MARCHF7: variants seen among roughly 807,000 people sequenced by gnomAD.
MARCHF7 encodes the protein E3 ubiquitin-protein ligase MARCHF7.
A neutral mutation model predicts 76.5 loss-of-function variants in MARCHF7; 20 were observed. The observed-to-expected ratio is 0.26, with a 90% CI of 0.18 to 0.38. MARCHF7 has a LOEUF of 0.38. MARCHF7 is among the 10% of genes least tolerant of loss of function. The pLI, the probability that MARCHF7 is intolerant of heterozygous loss-of-function variation, is 1.00. For synonymous variants in MARCHF7, 295 were observed against 293.0 expected (o/e 1.01, Z -0.07); for missense variants, 797 against 812.9 (o/e 0.98, Z 0.24).
At chr2:159,715,510 C>T (rs1700936346) in intron 2 of MARCHF7, among the ~76,000 whole-genome samples, 171 bp from the exon 3 acceptor site, 1 of 151,960 alleles carries the variant, frequency 6.6e-6, no homozygotes, top group Non-Finnish European at 1.5e-5. Context: ...CCATGTCTGA[C>T]TAATTTTTAT....
intron 4 of MARCHF7, among the ~76,000 whole-genome samples, chr2:159,742,038 CTG>C (rs1299664354): frequency 6.6e-6 from 1 of 152,106 alleles, no homozygotes; most frequent in Non-Finnish European, 1.5e-5. Flanking sequence ...AGGAGACAAA[CTG>C]TTGCCTTTTT....
At chr2:159,727,904 G>A (rs1008973190) in intron 3 of MARCHF7, among the ~76,000 whole-genome samples, 2 of 152,174 alleles carry the variant, frequency 1.3e-5, no homozygotes, top group African/African-American at 4.8e-5. Flanking sequence ...AATGTTTAGT[G>A]AGGAAAACTT....
chr2:159,746,530 T>C (rs553548764), intron 6 of MARCHF7, among the ~76,000 whole-genome samples: 9 of 152,382 alleles, frequency 5.9e-5, no homozygotes, highest in African/African-American at 2.2e-4. Flanking sequence ...GCCTCTCAAG[T>C]AGCTGGGGTT....
chr2:159,761,304 G>A (rs540343111), intron 9 of MARCHF7, among the ~76,000 whole-genome samples: 58 of 151,520 alleles, frequency 3.8e-4, no homozygotes, highest in Non-Finnish European at 5.9e-4. Context: ...GATTACAGGC[G>A]TGAGCCACCG....
chr2:159,731,406 A>G (rs144759504), intron 4 of MARCHF7, among the ~76,000 whole-genome samples: 131 of 152,308 alleles, frequency 8.6e-4, no homozygotes, highest in African/African-American at 2.9e-3. Flanking sequence ...TCCTTAAGAT[A>G]TGACCGTTTT....
At chr2:159,729,875 T>G (rs1346174627) in intron 4 of MARCHF7, among the ~76,000 whole-genome samples, 1 of 152,216 alleles carries the variant, frequency 6.6e-6, no homozygotes, top group African/African-American at 2.4e-5. Flanking sequence ...AAATGTTAAG[T>G]GTTTTTCTGT....
intron 3 of MARCHF7, among the ~76,000 whole-genome samples, chr2:159,719,717 G>T (rs1701419831): frequency 6.6e-6 from 1 of 151,966 alleles, no homozygotes; most frequent in Non-Finnish European, 1.5e-5. Context: ...TCTTGGTCTG[G>T]TTCTGCCATT....
intron 3 of MARCHF7, among the ~76,000 whole-genome samples, chr2:159,722,867 C>G (rs1258019911): frequency 6.6e-6 from 1 of 152,178 alleles, no homozygotes; most frequent in Non-Finnish European, 1.5e-5. Flanking sequence ...GACTCTGCCT[C>G]TTTGCCTTCT....
intron 6 of MARCHF7, 64 bp from the exon 7 acceptor site, chr2:159,747,738 CATA>C (rs1705080446): frequency 3.4e-6 from 5 of 1,458,078 alleles, no homozygotes; most frequent in African/African-American, 1.4e-5. Flanking sequence ...TGGCATTCAA[CATA>C]ATAAATGCAA....
Position 159,730,893 on chromosome 2 carries a change from G to T in MARCHF7, c.153+1718G>T, listed in dbSNP as rs193217157. Among the ~76,000 whole-genome samples, 57 of 150,422 alleles carry T rather than the reference G, an allele frequency of 3.8e-4. 1 individual carries two copies. The East Asian group carries it at 0.011, about 29-fold the overall frequency. On this transcript the variant is annotated intron_variant, in intron 4 of 11. Transcript: ENST00000409175. Reference sequence around the variant, plus strand: ...CTGTTGTGATTGTTTTTGATTGTTTGTTTGTTTCTTTTTTTGAGACAGGAT... The same window carrying T: ...CTGTTGTGATTGTTTTTGATTGTTTTTTTGTTTCTTTTTTTGAGACAGGAT...
chr2:159,723,287 G>T (rs530696179), intron 3 of MARCHF7, among the ~76,000 whole-genome samples: 24 of 152,268 alleles, frequency 1.6e-4, no homozygotes, highest in African/African-American at 5.5e-4. Flanking sequence ...AAAGCCGATG[G>T]TAGAAAAGAT....
chr2:159,737,905 C>T (rs1346766539), intron 4 of MARCHF7, among the ~76,000 whole-genome samples: 1 of 152,230 alleles, frequency 6.6e-6, no homozygotes, highest in East Asian at 1.9e-4. Context: ...TGGAGTGTTG[C>T]TTTTCCAGCT....
intron 9 of MARCHF7, among the ~76,000 whole-genome samples, chr2:159,761,406 CTTTT>C (rs747902045): frequency 2.8e-4 from 21 of 73,740 alleles, no homozygotes; most frequent in African/African-American, 8.1e-4. Flanking sequence ...TGAATCATTT[CTTTT>C]TTTTTTTTTT....
intron 3 of MARCHF7, among the ~76,000 whole-genome samples, chr2:159,721,162 G>A (rs1451952838): frequency 1.3e-5 from 2 of 152,070 alleles, no homozygotes; most frequent in African/African-American, 4.8e-5. Flanking sequence ...ACCACACTGG[G>A]CCTAATACCT....
chr2:159,769,670 C>T lies in MARCHF7; in HGVS notation c.*2328C>T, dbSNP rs1396453805. The T allele has an allele frequency of 1.3e-5, 2 of 151,702 alleles. No homozygotes were observed. Among genetic ancestry groups the T allele is most frequent in the Non-Finnish European group, 2.9e-5 (2 of 68,018 alleles). 9.4% of individuals were successfully genotyped at this position (151,702 alleles called of 1,614,324 possible). On this transcript the variant is annotated 3_prime_UTR_variant, in exon 12 of 12. Transcript: ENST00000409175. ...TATATATATATATAGCACTTCATTA[C>T]CAGAGGCCTCTTGGCCTGTTGAAAA...
intron 4 of MARCHF7, among the ~76,000 whole-genome samples, chr2:159,736,674 G>A (rs183090193): frequency 6.6e-6 from 1 of 152,136 alleles, no homozygotes; most frequent in African/African-American, 2.4e-5. Flanking sequence ...AATAGTAAAT[G>A]ATTTCATTGA....
chr2:159,736,765 G>T (rs1703506025), intron 4 of MARCHF7, among the ~76,000 whole-genome samples: 1 of 152,168 alleles, frequency 6.6e-6, no homozygotes, highest in Admixed American at 6.5e-5. Context: ...ATGAAAATTG[G>T]ATGCCTGCTA....
chr2:159,723,637 T>A (rs1701865498), intron 3 of MARCHF7, among the ~76,000 whole-genome samples: 1 of 152,220 alleles, frequency 6.6e-6, no homozygotes, highest in African/African-American at 2.4e-5. Flanking sequence ...CCTACCATTC[T>A]TATTTCCACT....
At chr2:159,741,117 G>A (rs2125529030) in intron 4 of MARCHF7, among the ~76,000 whole-genome samples, 1 of 152,348 alleles carries the variant, frequency 6.6e-6, no homozygotes. Context: ...GCTCACACCT[G>A]TAATCCTAGC....
Sources: allele counts gnomAD v4.1 joint callset (sites outside exome capture counted in the v4.1 genomes callset), GRCh38; gene constraint gnomAD v4.1.1; transcripts MANE v1.5; gene names NCBI Gene and HGNC (gene_info 2026-07-23, HGNC 2026-07-21).